ARAP2: variants seen among roughly 807,000 people sequenced by gnomAD.
ARAP2 encodes the protein arf-GAP with Rho-GAP domain, ANK repeat and PH domain-containing protein 2.
ARAP2 carries 148 observed loss-of-function variants against 194.5 expected under a neutral mutation model. That is an observed-to-expected ratio of 0.76 (90% confidence interval 0.67 to 0.87). The LOEUF is 0.87. ARAP2 is among the 40% of genes least tolerant of loss of function. The pLI is 0.00. For missense variants in ARAP2, 2,128 were observed against 1,989.7 expected (o/e 1.07, Z -1.32); for synonymous variants, 695 against 683.5 (o/e 1.02, Z -0.26).
chr4:36,178,497 C>A (rs1355190115), intron 8 of ARAP2, among the ~76,000 whole-genome samples: 3 of 152,186 alleles, frequency 2.0e-5, no homozygotes, highest in Admixed American at 6.5e-5. Flanking sequence ...AGTATGCCTG[C>A]TTCAGTGTCA....
rs6858588 is a variant in ARAP2, at chr4:36,084,921, C to T, written c.4426-1471G>A. On this transcript the variant is annotated intron_variant, in intron 28 of 32. Transcript: ENST00000303965. ...ATAGCTAGATTTCTAGGAATTTAACCACTGAGTCATAGGCTAAGAATATGA... is the reference window on the plus strand; with the variant it reads ...ATAGCTAGATTTCTAGGAATTTAACTACTGAGTCATAGGCTAAGAATATGA... 7.5e-3 allele frequency among the ~76,000 whole-genome samples: 1,138 copies of T among 151,866 alleles called. 17 individuals are homozygous for T. The highest frequency in any genetic ancestry group is 0.026 in the African/African-American group (1,080 of 41,446).
At chr4:36,149,815 C>G (rs757467114) in intron 16 of ARAP2, among the ~76,000 whole-genome samples, 15 of 152,120 alleles carry the variant, frequency 9.9e-5, no homozygotes, top group Non-Finnish European at 2.1e-4. Flanking sequence ...CAAGTCATCT[C>G]AACTAGTCAT....
At chr4:36,107,796 G>A (rs1375019098) in intron 26 of ARAP2, 103 bp from the exon 27 acceptor site, 1 of 1,087,250 alleles carries the variant, frequency 9.2e-7, no homozygotes, top group Non-Finnish European at 1.3e-6. Flanking sequence ...ACATCTGTAG[G>A]CAACATTATA....
At chr4:36,115,825 G>C (rs1266578406) in intron 25 of ARAP2, among the ~76,000 whole-genome samples, 1 of 151,938 alleles carries the variant, frequency 6.6e-6, no homozygotes, top group African/African-American at 2.4e-5. Context: ...AATAGTTTTT[G>C]TTATTTTCTA....
intron 1 of ARAP2, among the ~76,000 whole-genome samples, chr4:36,243,355 T>C (rs1753923063): frequency 8.0e-6 from 1 of 125,138 alleles, no homozygotes; most frequent in African/African-American, 3.4e-5. Context: ...TGTATTCTAC[T>C]GAACAGCCTA....
intron 9 of ARAP2, among the ~76,000 whole-genome samples, chr4:36,172,781 T>C (rs1283527898): frequency 1.3e-5 from 2 of 152,182 alleles, no homozygotes; most frequent in Admixed American, 1.3e-4. Context: ...TGCTTAAACA[T>C]TTGTTGAAAA....
chr4:36,072,688 A>AC lies in ARAP2; in HGVS notation c.4743+1000_4743+1001insG, dbSNP rs1486321361. Among the ~76,000 whole-genome samples the AC allele has an allele frequency of 2.8e-3, 423 of 150,346 alleles. 2 individuals carry two copies. The highest frequency in any genetic ancestry group is 4.1e-3 in the Non-Finnish European group (276 of 67,492). ...AAAACAAAAAAAAAACCCCAAAAAA[A>AC]ACAAAAAAAAAAACTAGGTACAGAA... On this transcript the variant is annotated intron_variant, in intron 32 of 32. Transcript: ENST00000303965.
At chr4:36,084,601 G>A (rs749136772) in intron 28 of ARAP2, among the ~76,000 whole-genome samples, 1 of 152,002 alleles carries the variant, frequency 6.6e-6, no homozygotes, top group Non-Finnish European at 1.5e-5. Flanking sequence ...AGTTGCCCTA[G>A]AGCAATTATA....
chr4:36,147,457 G>C lies in ARAP2; in HGVS notation c.3199+91C>G, dbSNP rs968068327. 10 of 1,555,604 alleles carry C rather than the reference G, an allele frequency of 6.4e-6. No individual in the cohort carries two copies. The Admixed American group carries it at 1.7e-4, about 27-fold the overall frequency. ...TAATACTGCTTAGTCATAAGTTTGG[G>C]AGTAAGCCATCAAGATCTTACTAAA... is the stretch of plus-strand genomic sequence containing the variant. On this transcript the variant is annotated intron_variant, in intron 18 of 32. Coordinates refer to ENST00000303965, the MANE Select transcript of ARAP2 (RefSeq NM_015230.4).
intron 26 of ARAP2, among the ~76,000 whole-genome samples, chr4:36,113,835 C>T (rs1720645288): frequency 6.6e-6 from 1 of 151,942 alleles, no homozygotes; most frequent in African/African-American, 2.4e-5. Context: ...TTTAAATCAA[C>T]ATTCCTTGTT....
At chr4:36,090,133 A>G (rs866738183) in intron 28 of ARAP2, among the ~76,000 whole-genome samples, 6 of 152,124 alleles carry the variant, frequency 3.9e-5, no homozygotes, top group Admixed American at 2.6e-4. Flanking sequence ...GAATACCTCT[A>G]TGCATATAAA....
chr4:36,207,255 A>C (rs553495840), intron 6 of ARAP2, among the ~76,000 whole-genome samples: 1 of 152,250 alleles, frequency 6.6e-6, no homozygotes, highest in South Asian at 2.1e-4. Context: ...AAAGTGAAGA[A>C]GATGATTTAT....
intron 8 of ARAP2, among the ~76,000 whole-genome samples, chr4:36,186,359 C>T (rs1391727885): frequency 6.6e-6 from 1 of 152,210 alleles, no homozygotes; most frequent in Non-Finnish European, 1.5e-5. Context: ...TCTCTGTACA[C>T]ATTTAAACTC....
chr4:36,072,657 T>TAA (rs1482623933), intron 32 of ARAP2, among the ~76,000 whole-genome samples: 1 of 66,022 alleles, frequency 1.5e-5, no homozygotes, highest in African/African-American at 5.9e-5. Flanking sequence ...GTTTATTACC[T>TAA]AAAAAAAAAC....
intron 9 of ARAP2, among the ~76,000 whole-genome samples, chr4:36,175,795 G>A (rs759877295): frequency 6.6e-6 from 1 of 152,060 alleles, no homozygotes; most frequent in Non-Finnish European, 1.5e-5. Context: ...CATGTATATG[G>A]AAATGCTTCT....
At chr4:36,136,375 A>G (rs1418802063) in intron 19 of ARAP2, among the ~76,000 whole-genome samples, 2 of 151,848 alleles carry the variant, frequency 1.3e-5, no homozygotes, top group African/African-American at 4.8e-5. Flanking sequence ...CATATAAAGA[A>G]AAATTCTTAT....
At chr4:36,074,693 T>G (rs1416908298) in intron 31 of ARAP2, among the ~76,000 whole-genome samples, 8 of 152,080 alleles carry the variant, frequency 5.3e-5, no homozygotes, top group Non-Finnish European at 7.4e-5. Flanking sequence ...ATGAAAACCA[T>G]TTAGTAAACT....
chr4:36,014,295 A>AAGAAAGAAAGAAGAGAAG (rs1553861836), intron 8 of ARAP2, among the ~76,000 whole-genome samples: 28 of 143,344 alleles, frequency 2.0e-4, no homozygotes, highest in African/African-American at 7.1e-4. Flanking sequence ...GAAAGAAAGA[A>AAGAAAGAAAGAAGAGAAG]AGAAGAGAAG....
At chr4:36,102,574 G>C (rs1334842024) in intron 27 of ARAP2, among the ~76,000 whole-genome samples, 2 of 151,982 alleles carry the variant, frequency 1.3e-5, no homozygotes, top group Non-Finnish European at 2.9e-5. Context: ...ATATTTCCTT[G>C]AATAAGACAC....
Sources: gnomAD v4.1 joint callset for allele counts (sites outside exome capture counted in the v4.1 genomes callset) on GRCh38, gnomAD v4.1.1 for gene constraint, MANE v1.5 for transcripts, NCBI Gene and HGNC (gene_info 2026-07-23, HGNC 2026-07-21) for gene names.